The following ATP10D variants were observed in gnomAD, a reference collection of about 807,000 sequenced individuals.
The protein encoded by ATP10D is phospholipid-transporting ATPase VD.
Under a neutral mutation model 144.8 loss-of-function variants are expected in ATP10D, and 89 were observed. The observed-to-expected ratio is 0.61, with a 90% CI of 0.52 to 0.73. The LOEUF is 0.73. Ranked by LOEUF, ATP10D falls within the 30% of genes least tolerant of loss-of-function variation. The probability of loss-of-function intolerance (pLI) is 0.00; values close to 1 mark genes in which losing one functional copy is unlikely to be tolerated. For synonymous variants in ATP10D, 571 were observed against 615.1 expected (o/e 0.93, Z 1.06); for missense variants, 1,603 against 1,714.8 (o/e 0.93, Z 1.15).
At position 47,565,014 on chromosome 4, in the gene ATP10D, T is replaced by A. The variant is rs562373772; in HGVS notation, c.2853+1249T>A. On this transcript the variant is annotated intron_variant, in intron 15 of 22. Coordinates refer to ENST00000273859, the MANE Select transcript of ATP10D (RefSeq NM_020453.4). ...TTTGAGGCAGCCCAGGCTGGAGCGC[T>A]ATGGCGCGATCTCGGCTCACTGCAA... Among the ~76,000 whole-genome samples the A allele has an allele frequency of 7.9e-3, 1,196 of 152,352 alleles. 18 individuals are homozygous for A. Among genetic ancestry groups the A allele is most frequent in the African/African-American group, 0.027 (1,110 of 41,582 alleles).
chr4:47,591,439 G>T lies in ATP10D; in HGVS notation c.*58G>T. 7.1e-7 allele frequency: 1 copy of T among 1,407,462 alleles called. No individual in the cohort carries two copies. The highest frequency in any genetic ancestry group is 2.3e-5 in the East Asian group (1 of 43,566). 87.2% of individuals were successfully genotyped at this position (1,407,462 alleles called of 1,614,324 possible). A position where few individuals can be genotyped will look rare whatever the true frequency, so the allele number is the denominator to read the frequency against. On this transcript the variant is annotated 3_prime_UTR_variant, in exon 23 of 23. Transcript: ENST00000273859. ...AGGTTGGAAGAGGGATTTTGAAGAGGTATCTCTCCAAGCAAGAATGACTTG... is the reference window on the plus strand; with the variant it reads ...AGGTTGGAAGAGGGATTTTGAAGAGTTATCTCTCCAAGCAAGAATGACTTG...
intron 1 of ATP10D, among the ~76,000 whole-genome samples, chr4:47,506,777 CAG>C (rs1459001802): frequency 1.3e-5 from 2 of 152,158 alleles, no homozygotes; most frequent in Non-Finnish European, 2.9e-5. Context: ...ATTCTCAAGA[CAG>C]GGTTCCTATG....
chr4:47,522,738 T>A (rs1008886986), intron 3 of ATP10D, among the ~76,000 whole-genome samples: 1 of 152,088 alleles, frequency 6.6e-6, no homozygotes, highest in African/African-American at 2.4e-5. Context: ...CCCAGCTGAT[T>A]TTTGTATTTT....
intron 3 of ATP10D, among the ~76,000 whole-genome samples, chr4:47,520,950 T>C (rs1716917311): frequency 6.6e-6 from 1 of 152,202 alleles, no homozygotes; most frequent in African/African-American, 2.4e-5. Context: ...CGTTATCAAC[T>C]TTCTCCAAGG....
intron 16 of ATP10D, among the ~76,000 whole-genome samples, chr4:47,569,716 A>G (rs1238243534): frequency 6.6e-6 from 1 of 152,204 alleles, no homozygotes; most frequent in East Asian, 1.9e-4. Flanking sequence ...TGGAATGAGG[A>G]CACGTAGAGC....
At chr4:47,518,034 T>C (rs1383683323) in intron 3 of ATP10D, among the ~76,000 whole-genome samples, 2 of 152,174 alleles carry the variant, frequency 1.3e-5, no homozygotes, top group Admixed American at 1.3e-4. Flanking sequence ...GGAACAATTA[T>C]TATAAGGTTA....
chr4:47,486,595 T>C (rs1288646202), intron 1 of ATP10D, among the ~76,000 whole-genome samples: 1 of 152,180 alleles, frequency 6.6e-6, no homozygotes, highest in East Asian at 1.9e-4. Flanking sequence ...AGTAGTTTGT[T>C]CAGTGCCCGC....
intron 1 of ATP10D, among the ~76,000 whole-genome samples, chr4:47,511,505 A>G (rs1379126902): frequency 6.6e-6 from 1 of 152,000 alleles, no homozygotes; most frequent in Non-Finnish European, 1.5e-5. Context: ...TTTCTTTCCT[A>G]TTTTTGTTTT....
chr4:47,546,021 G>A (rs1215113020), intron 9 of ATP10D, among the ~76,000 whole-genome samples: 2 of 152,222 alleles, frequency 1.3e-5, no homozygotes, highest in Non-Finnish European at 2.9e-5. Flanking sequence ...AGTCATTGAA[G>A]TAGGAGGAAA....
chr4:47,512,077 A>G (rs1306514312), intron 1 of ATP10D, among the ~76,000 whole-genome samples: 2 of 152,246 alleles, frequency 1.3e-5, no homozygotes, highest in African/African-American at 4.8e-5. Context: ...TCCACATAGA[A>G]TGGGTTTTTT....
intron 3 of ATP10D, among the ~76,000 whole-genome samples, chr4:47,522,590 T>G (rs1717002459): frequency 6.6e-6 from 1 of 152,180 alleles, no homozygotes; most frequent in African/African-American, 2.4e-5. Flanking sequence ...TGTTTTTGTT[T>G]GTTTGAGACA....
At chr4:47,531,618 A>G (rs1717574326) in intron 5 of ATP10D, among the ~76,000 whole-genome samples, 1 of 152,202 alleles carries the variant, frequency 6.6e-6, no homozygotes, top group South Asian at 2.1e-4. Flanking sequence ...GTCTTCATGA[A>G]AAGAAGTTAG....
chr4:47,580,319 G>C (rs555991166), intron 19 of ATP10D, 79 bp from the exon 20 acceptor site: 3 of 1,121,386 alleles, frequency 2.7e-6, no homozygotes, highest in Admixed American at 1.8e-5. Context: ...AGAAACAAAT[G>C]TAAGTACTGG....
chr4:47,521,337 T>C (rs969957535), intron 3 of ATP10D, among the ~76,000 whole-genome samples: 15 of 152,182 alleles, frequency 9.9e-5, no homozygotes, highest in African/African-American at 3.6e-4. Context: ...CATCACCTCA[T>C]AGTACACGTT....
intron 9 of ATP10D, among the ~76,000 whole-genome samples, chr4:47,542,853 A>G (rs1406696460): frequency 1.3e-5 from 2 of 152,126 alleles, no homozygotes; most frequent in Non-Finnish European, 2.9e-5. Context: ...CACTTTTGCA[A>G]TTGTACTGAC....
At chr4:47,525,492 A>G in intron 4 of ATP10D, 65 bp from the exon 5 acceptor site, 3 of 1,156,054 alleles carry the variant, frequency 2.6e-6, no homozygotes, top group Non-Finnish European at 3.9e-6. Context: ...TGAAAGTGAT[A>G]AAACACTTCA....
intron 1 of ATP10D, among the ~76,000 whole-genome samples, chr4:47,496,837 T>TATTA (rs940312069): frequency 9.2e-5 from 14 of 151,998 alleles, no homozygotes; most frequent in Non-Finnish European, 1.6e-4. Context: ...TCTTATAAGA[T>TATTA]ATTAATTAAT....
At position 47,572,865 on chromosome 4, in the gene ATP10D, T is replaced by A. The variant is rs771471871; in HGVS notation, c.3241-7T>A. On this transcript the variant is annotated splice_region_variant and splice_polypyrimidine_tract_variant and intron_variant, in intron 17 of 22. Coordinates refer to ENST00000273859, the MANE Select transcript of ATP10D (RefSeq NM_020453.4). ...AGGATGGCATTCTCTCCCCATTGCA[T>A]CTGCAGGCTGTGATGGCCAGTGACT... is the stretch of plus-strand genomic sequence containing the variant. 2.3e-5 allele frequency: 37 copies of A among 1,614,022 alleles called. No individual in the cohort carries two copies. Among genetic ancestry groups the A allele is most frequent in the Non-Finnish European group, 3.0e-5 (35 of 1,180,012 alleles).
At chr4:47,589,988 A>C (rs1720955446) in intron 22 of ATP10D, among the ~76,000 whole-genome samples, 1 of 152,130 alleles carries the variant, frequency 6.6e-6, no homozygotes, top group African/African-American at 2.4e-5. Flanking sequence ...CTGTATCATC[A>C]GATGCAGAGA....
Sources: allele counts gnomAD v4.1 joint callset (sites outside exome capture counted in the v4.1 genomes callset), GRCh38; gene constraint gnomAD v4.1.1; transcripts MANE v1.5; gene names NCBI Gene and HGNC (gene_info 2026-07-23, HGNC 2026-07-21).